Variants in ARK2C observed in about 807,000 individuals in gnomAD.
The protein encoded by ARK2C is E3 ubiquitin-protein ligase ARK2C.
At chr18:46,368,176 A>T in the ARK2C span, among the ~76,000 whole-genome samples, 1 of 152,256 alleles carries the variant, frequency 6.6e-6, no homozygotes, top group South Asian at 2.1e-4. Flanking sequence ...TGCTTGAGGA[A>T]AAACATCCTT....
At chr18:46,406,197 G>C in the ARK2C span, among the ~76,000 whole-genome samples, 1 of 152,086 alleles carries the variant, frequency 6.6e-6, no homozygotes, top group Non-Finnish European at 1.5e-5. Context: ...ATCCAGAGTC[G>C]TCACAAACTT....
chr18:46,412,551 C>T, the ARK2C span, among the ~76,000 whole-genome samples: 37 of 152,332 alleles, frequency 2.4e-4, 2 homozygotes, highest in South Asian at 2.5e-3. Flanking sequence ...TCAGGGAGGC[C>T]GATGTCCAGT....
chr18:46,433,321 A>T, the ARK2C span: 1 of 1,612,054 alleles, frequency 6.2e-7, no homozygotes, highest in Non-Finnish European at 8.5e-7. Flanking sequence ...GCCAGGCCTC[A>T]GCGCCCACAT....
At chr18:46,447,327 A>C in the ARK2C span, 1 of 459,088 alleles carries the variant, frequency 2.2e-6, no homozygotes, top group South Asian at 4.6e-5. Flanking sequence ...AGTTTAAAGA[A>C]ATTTCATAGA....
chr18:46,427,963 G>A, the ARK2C span, among the ~76,000 whole-genome samples: 18 of 152,292 alleles, frequency 1.2e-4, no homozygotes, highest in African/African-American at 4.1e-4. Flanking sequence ...CCAGGGAGAT[G>A]GGAGCACAAA....
the ARK2C span, among the ~76,000 whole-genome samples, chr18:46,420,674 A>G: frequency 2.0e-5 from 3 of 152,084 alleles, no homozygotes; most frequent in African/African-American, 7.2e-5. Context: ...GTGAAACCCC[A>G]TCTCTACTAA....
chr18:46,337,221 A>G, the ARK2C span: 29 of 985,292 alleles, frequency 2.9e-5, no homozygotes, highest in Non-Finnish European at 3.3e-5. Flanking sequence ...AAGAAAGAGA[A>G]AAAAGAAAAG....
the ARK2C span, among the ~76,000 whole-genome samples, chr18:46,378,813 A>G: frequency 5.3e-5 from 8 of 152,286 alleles, no homozygotes; most frequent in East Asian, 1.5e-3. Context: ...GCTGCTATGG[A>G]TGGTGGGGAG....
At chr18:46,343,696 C>T in the ARK2C span, among the ~76,000 whole-genome samples, 4 of 152,308 alleles carry the variant, frequency 2.6e-5, no homozygotes, top group South Asian at 2.1e-4. Flanking sequence ...GTGCTTTCCT[C>T]GTGATGAGAA....
the ARK2C span, among the ~76,000 whole-genome samples, chr18:46,390,030 T>C: frequency 6.6e-6 from 1 of 152,168 alleles, no homozygotes; most frequent in Admixed American, 6.5e-5. Flanking sequence ...GAAATGGTCA[T>C]TTCTAACCAG....
At chr18:46,334,812 A>ATTTG in the ARK2C span, 2 of 229,978 alleles carry the variant, frequency 8.7e-6, no homozygotes, top group Admixed American at 1.2e-4. The surrounding 1 kb of genome is among the most constrained non-coding windows in gnomAD (Gnocchi z 4.4). Context: ...TGTGTTTTGT[A>ATTTG]TTCATTTTTT....
the ARK2C span, among the ~76,000 whole-genome samples, chr18:46,402,809 C>T: frequency 3.3e-5 from 5 of 152,198 alleles, no homozygotes; most frequent in Admixed American, 6.5e-5. Flanking sequence ...CCCCATTCTC[C>T]TTTTATTTGT....
chr18:46,336,379 C>A, the ARK2C span: 2 of 972,420 alleles, frequency 2.1e-6, no homozygotes, highest in Non-Finnish European at 2.4e-6. Context: ...CCTCACCCCC[C>A]CCAACAAAAA....
At chr18:46,412,709 C>A in the ARK2C span, among the ~76,000 whole-genome samples, 2 of 152,218 alleles carry the variant, frequency 1.3e-5, no homozygotes, top group Non-Finnish European at 2.9e-5. Flanking sequence ...GTCCTGACTA[C>A]CCCCACCCCT....
At chr18:46,353,323 G>C in the ARK2C span, among the ~76,000 whole-genome samples, 37 of 152,142 alleles carry the variant, frequency 2.4e-4, no homozygotes, top group African/African-American at 8.4e-4. Context: ...GGATGTCATC[G>C]TGACCTCCTC....
At chr18:46,401,626 T>C in the ARK2C span, among the ~76,000 whole-genome samples, 1 of 152,164 alleles carries the variant, frequency 6.6e-6, no homozygotes, top group Non-Finnish European at 1.5e-5. Flanking sequence ...TCTCACTCCC[T>C]CCTGTGATCT....
the ARK2C span, among the ~76,000 whole-genome samples, chr18:46,453,877 C>T: frequency 3.3e-5 from 5 of 151,592 alleles, no homozygotes; most frequent in African/African-American, 1.2e-4. Flanking sequence ...CTCTGGGAGG[C>T]GGTGGCAGGA....
the ARK2C span, among the ~76,000 whole-genome samples, chr18:46,381,735 G>C: frequency 6.6e-6 from 1 of 152,142 alleles, no homozygotes; most frequent in Non-Finnish European, 1.5e-5. Context: ...GGAGGTTGAG[G>C]TGGGAGGATC....
the ARK2C span, chr18:46,447,816 C>A: frequency 8.7e-7 from 1 of 1,146,384 alleles, no homozygotes; most frequent in South Asian, 1.4e-5. Context: ...TCCCCTGTGC[C>A]CCGGCTTCCA....
Sources: allele counts gnomAD v4.1 joint callset (sites outside exome capture counted in the v4.1 genomes callset), GRCh38; gene constraint gnomAD v4.1.1; non-coding constraint Gnocchi (gnomAD v3.1); transcripts MANE v1.5; gene names NCBI Gene and HGNC (gene_info 2026-07-23, HGNC 2026-07-21).